Variants in PRKG1 observed in about 807,000 individuals in gnomAD.
PRKG1 encodes protein kinase cGMP-dependent 1.
In PRKG1, 35 loss-of-function variants were observed where a neutral mutation model predicts 88.1. That is an observed-to-expected ratio of 0.40 (90% CI 0.30 to 0.53). The LOEUF (loss-of-function observed/expected upper bound fraction) is 0.53. Among genes scored for constraint, PRKG1 ranks in the 20% least tolerant of loss-of-function variants. The pLI is 0.59. For synonymous variants in PRKG1, 303 were observed against 292.5 expected (o/e 1.04, Z -0.37); for missense variants, 540 against 839.8 (o/e 0.64, Z 4.41).
chr10:51,232,534 C>T (rs532454418), intron 2 of PRKG1, among the ~76,000 whole-genome samples: 1 of 138,908 alleles, frequency 7.2e-6, no homozygotes, highest in Non-Finnish European at 1.5e-5. Context: ...ACATTTTACA[C>T]CCCAATGATT....
intron 3 of PRKG1, among the ~76,000 whole-genome samples, chr10:51,604,550 G>C (rs1405440267): frequency 6.6e-6 from 1 of 152,206 alleles, no homozygotes; most frequent in Non-Finnish European, 1.5e-5. Context: ...ATCTAAAAAG[G>C]AAAGTGGATG....
chr10:51,753,440 A>G (rs1837778288), intron 3 of PRKG1, among the ~76,000 whole-genome samples: 2 of 152,142 alleles, frequency 1.3e-5, no homozygotes, highest in African/African-American at 4.8e-5. Context: ...CTGTCCCCAA[A>G]ATTGTTAAAA....
chr10:51,249,631 C>T (rs1024227662), intron 2 of PRKG1, among the ~76,000 whole-genome samples: 2 of 140,166 alleles, frequency 1.4e-5, no homozygotes, highest in African/African-American at 6.5e-5. Flanking sequence ...GGAGACAGAA[C>T]ATAAATGAAA....
At chr10:52,012,082 C>G (rs1371939878) in intron 5 of PRKG1, among the ~76,000 whole-genome samples, 1 of 152,134 alleles carries the variant, frequency 6.6e-6, no homozygotes, top group Non-Finnish European at 1.5e-5. Flanking sequence ...GACTAATACA[C>G]CTCTCTTTCA....
At chr10:51,791,835 A>G (rs893979095) in intron 3 of PRKG1, among the ~76,000 whole-genome samples, 11 of 152,088 alleles carry the variant, frequency 7.2e-5, no homozygotes, top group Non-Finnish European at 1.2e-4. Flanking sequence ...TGCTGTAGGT[A>G]GAGGAAAATA....
chr10:51,368,136 C>T (rs1266422819), intron 2 of PRKG1, among the ~76,000 whole-genome samples: 1 of 151,954 alleles, frequency 6.6e-6, no homozygotes, highest in Admixed American at 6.6e-5. Context: ...TCTAATATTC[C>T]TAGCTACAAA....
intron 7 of PRKG1, chr10:52,128,171 C>A: frequency 1.0e-6 from 1 of 985,234 alleles, no homozygotes; most frequent in South Asian, 4.7e-5. Context: ...GAGCTCTGAC[C>A]CCGGGATTGC....
intron 2 of PRKG1, among the ~76,000 whole-genome samples, chr10:51,334,171 T>TCG (rs1841812869): frequency 6.7e-6 from 1 of 149,220 alleles, no homozygotes; most frequent in South Asian, 2.1e-4. Context: ...TCTCTCTCTC[T>TCG]CTCTCTCTCT....
intron 2 of PRKG1, among the ~76,000 whole-genome samples, chr10:51,263,589 T>A (rs1002769528): frequency 6.6e-6 from 1 of 152,226 alleles, no homozygotes. Context: ...GAATAAAACC[T>A]TGCTCTCTTT....
chr10:51,441,853 T>C (rs1839118512), intron 2 of PRKG1, among the ~76,000 whole-genome samples: 1 of 152,010 alleles, frequency 6.6e-6, no homozygotes, highest in Non-Finnish European at 1.5e-5. Context: ...TGTATTATTT[T>C]GCCTCTCATA....
At chr10:51,534,472 T>C (rs1283407439) in intron 3 of PRKG1, among the ~76,000 whole-genome samples, 2 of 151,836 alleles carry the variant, frequency 1.3e-5, no homozygotes, top group African/African-American at 4.8e-5. Flanking sequence ...ATCGAGACCA[T>C]CCTGGCTAAC....
At chr10:52,061,744 T>C (rs925777520) in intron 6 of PRKG1, among the ~76,000 whole-genome samples, 1 of 152,124 alleles carries the variant, frequency 6.6e-6, no homozygotes, top group African/African-American at 2.4e-5. Flanking sequence ...AAAGGGCCTA[T>C]ATGTAATTTA....
At position 51,642,204 on chromosome 10, in the gene PRKG1, A is replaced by G. The variant is rs188432767; in HGVS notation, c.593-162381A>G. Reference sequence around the variant, plus strand: ...CAGGAGTTTGAGACCAGCCTGACCAACATGGTGAAACTCCTTCTCCACTAA... The same window carrying G: ...CAGGAGTTTGAGACCAGCCTGACCAGCATGGTGAAACTCCTTCTCCACTAA... On this transcript the variant is annotated intron_variant, in intron 3 of 17. Transcript: ENST00000373980. Among the ~76,000 whole-genome samples, 968 of 152,246 alleles carry G rather than the reference A, an allele frequency of 6.4e-3. 7 individuals carry two copies. Among genetic ancestry groups the G allele is most frequent in the Non-Finnish European group, 9.8e-3 (665 of 68,008 alleles).
chr10:51,527,634 G>C (rs1025523281), intron 3 of PRKG1, among the ~76,000 whole-genome samples: 4 of 152,250 alleles, frequency 2.6e-5, no homozygotes, highest in African/African-American at 9.6e-5. Flanking sequence ...ACATAGAAAA[G>C]TGTTCTAGAC....
intron 3 of PRKG1, among the ~76,000 whole-genome samples, chr10:51,531,405 G>C (rs1042891067): frequency 6.6e-6 from 1 of 152,086 alleles, no homozygotes; most frequent in South Asian, 2.1e-4. Context: ...TGAAGCTCCG[G>C]TTGTAGAATT....
intron 3 of PRKG1, among the ~76,000 whole-genome samples, chr10:51,631,791 A>G (rs1280321785): frequency 1.3e-5 from 2 of 152,204 alleles, no homozygotes; most frequent in Non-Finnish European, 2.9e-5. Flanking sequence ...TGGTAATGCC[A>G]GTGATGGAGA....
At chr10:51,872,273 C>T (rs1447772716) in intron 4 of PRKG1, among the ~76,000 whole-genome samples, 1 of 152,072 alleles carries the variant, frequency 6.6e-6, no homozygotes, top group South Asian at 2.1e-4. Context: ...ATTTTTTTGC[C>T]TTAGTTTCCC....
chr10:52,230,682 C>T (rs1589718067), intron 9 of PRKG1: 1 of 152,144 alleles, frequency 6.6e-6, no homozygotes, highest in Non-Finnish European at 1.5e-5. Context: ...GGACAATTCT[C>T]ATAAAATTGG....
intron 3 of PRKG1, among the ~76,000 whole-genome samples, chr10:51,788,424 C>T (rs564211249): frequency 6.6e-6 from 1 of 152,134 alleles, no homozygotes; most frequent in Non-Finnish European, 1.5e-5. Context: ...GCTGAGCTCA[C>T]TTGACATTTC....
Sources: allele counts gnomAD v4.1 joint callset (sites outside exome capture counted in the v4.1 genomes callset), GRCh38; gene constraint gnomAD v4.1.1; transcripts MANE v1.5; gene names NCBI Gene and HGNC (gene_info 2026-07-23, HGNC 2026-07-21).